The following ADCY5 variants were observed in gnomAD, a reference collection of about 807,000 sequenced individuals.
The protein encoded by ADCY5 is adenylate cyclase 5, also known as adenylate cyclase type 5.
A neutral mutation model predicts 119.7 loss-of-function variants in ADCY5; 30 were observed. The observed-to-expected ratio is 0.25, with a 90% CI of 0.19 to 0.34. The LOEUF is 0.34. ADCY5 is among the 10% of genes least tolerant of loss of function. The pLI is 1.00. For synonymous variants in ADCY5, 753 were observed against 762.2 expected, an observed-to-expected ratio of 0.99 and a Z score of 0.20; for missense variants, 1,324 against 1,775.2, an observed-to-expected ratio of 0.75 and a Z score of 4.57.
chr3:123,366,056 A>G (rs1250091066), intron 1 of ADCY5, among the ~76,000 whole-genome samples: 1 of 152,186 alleles, frequency 6.6e-6, no homozygotes, highest in East Asian at 1.9e-4. Context: ...GTCTGAAATT[A>G]TTTTTTATTC....
chr3:123,368,115 A>C, intron 1 of ADCY5: 1 of 1,310,062 alleles, frequency 7.6e-7, no homozygotes, highest in Non-Finnish European at 1.0e-6. Flanking sequence ...CCCAGGGGCC[A>C]GTCTTGTGAC....
At chr3:123,403,380 CAAAAAAAAAA>C (rs35626615) in intron 1 of ADCY5, among the ~76,000 whole-genome samples, 11 of 68,530 alleles carry the variant, frequency 1.6e-4, no homozygotes, top group Admixed American at 6.4e-4. Flanking sequence ...GACCCTGTCT[CAAAAAAAAAA>C]AAAAAAAAAA....
intron 1 of ADCY5, among the ~76,000 whole-genome samples, chr3:123,358,331 G>A (rs901808537): frequency 1.1e-4 from 17 of 152,168 alleles, no homozygotes; most frequent in Admixed American, 6.5e-4. Context: ...GCAGCCGGAT[G>A]CAGTGGCTCA....
chr3:123,302,093 G>A (rs1380068631), intron 14 of ADCY5, among the ~76,000 whole-genome samples: 2 of 152,366 alleles, frequency 1.3e-5, no homozygotes, highest in Middle Eastern at 3.4e-3. Flanking sequence ...CCCTTTGGGA[G>A]TTGGATGAAA....
chr3:123,376,935 T>A (rs1943856115), intron 1 of ADCY5, among the ~76,000 whole-genome samples: 1 of 152,202 alleles, frequency 6.6e-6, no homozygotes, highest in Non-Finnish European at 1.5e-5. Flanking sequence ...GGAAGCTGCA[T>A]CCTCTGGTGT....
At chr3:123,351,709 T>C (rs918237598) in intron 2 of ADCY5, among the ~76,000 whole-genome samples, 1 of 152,112 alleles carries the variant, frequency 6.6e-6, no homozygotes, top group Non-Finnish European at 1.5e-5. Flanking sequence ...GAGGAGACAG[T>C]GGGGATCCAG....
chr3:123,447,579 G>C lies in ADCY5; in HGVS notation c.967C>G (p.Arg323Gly), dbSNP rs770135822. The C allele has an allele frequency of 3.7e-6, 6 of 1,608,266 alleles. No homozygotes were observed. The highest frequency in any genetic ancestry group is 2.2e-5 in the South Asian group (2 of 90,876). ...QVVGLLLPQP[R>G]SASEGIWWTV... ...CACCAGATGCCCTCAGAGGCGCTGC[G>C]TGGCTGCGGCAGCAGCAGGCCCACC... Residue 323 changes from arginine (R) to glycine (G), a missense_variant, in exon 1 of 21, where the codon CGC (arginine) becomes GGC (glycine). Transcript: ENST00000462833.
chr3:123,296,504 A>G (rs1005856890), intron 16 of ADCY5, among the ~76,000 whole-genome samples: 1 of 152,180 alleles, frequency 6.6e-6, no homozygotes, highest in African/African-American at 2.4e-5. Flanking sequence ...TGGTCAGATC[A>G]GGGGATGAAC....
intron 18 of ADCY5, 83 bp from the exon 19 acceptor site, chr3:123,290,037 G>C: frequency 7.1e-7 from 1 of 1,408,180 alleles, no homozygotes. Context: ...GTCCAGGGAA[G>C]TGCAGCAGCA....
intron 11 of ADCY5, among the ~76,000 whole-genome samples, chr3:123,317,340 T>G (rs1940966929): frequency 6.6e-6 from 1 of 151,806 alleles, no homozygotes; most frequent in African/African-American, 2.4e-5. Flanking sequence ...GATTTTTTTT[T>G]TTTTTTCAAG....
intron 2 of ADCY5, among the ~76,000 whole-genome samples, chr3:123,350,810 C>T (rs1044513007): frequency 1.3e-5 from 2 of 152,170 alleles, no homozygotes; most frequent in African/African-American, 2.4e-5. Flanking sequence ...GAAACTGTGG[C>T]AAGCTGTAAA....
At chr3:123,388,376 C>T (rs1944295442) in intron 1 of ADCY5, among the ~76,000 whole-genome samples, 1 of 152,020 alleles carries the variant, frequency 6.6e-6, no homozygotes, top group Non-Finnish European at 1.5e-5. Flanking sequence ...TCTAAGCAGG[C>T]AACAGGGAGA....
chr3:123,415,484 G>A (rs1945165075), intron 1 of ADCY5, among the ~76,000 whole-genome samples: 1 of 152,160 alleles, frequency 6.6e-6, no homozygotes, highest in South Asian at 2.1e-4. Context: ...TTCTGAGCTT[G>A]TCCTCCCAGG....
In ADCY5 at chr3:123,296,368, G is replaced by A. The variant is rs116911025; in HGVS notation, c.2931-152C>T. ...CCCCTGCTCAAACTTTGCCGCACGC[G>A]TGCCTCCTCCAGAAAGCCTTCCTGG... On this transcript the variant is annotated intron_variant, in intron 16 of 20. Transcript: ENST00000462833. 7.2e-3 allele frequency: 6,611 copies of A among 921,754 alleles called. 274 individuals carry two copies. The highest frequency in any genetic ancestry group is 0.067 in the East Asian group (2,441 of 36,262). The allele number at this position is 921,754 out of a possible 1,614,324, so 57.1% of individuals were successfully genotyped here. A position where few individuals can be genotyped will look rare whatever the true frequency, so the allele number is the denominator to read the frequency against.
At chr3:123,440,073 G>A (rs1289697165) in intron 1 of ADCY5, among the ~76,000 whole-genome samples, 4 of 152,192 alleles carry the variant, frequency 2.6e-5, no homozygotes, top group Admixed American at 1.3e-4. Flanking sequence ...CTAGCACTTC[G>A]GCAGAGCTTA....
chr3:123,410,978 T>G (rs1945029223), intron 1 of ADCY5, among the ~76,000 whole-genome samples: 1 of 152,298 alleles, frequency 6.6e-6, no homozygotes, highest in Non-Finnish European at 1.5e-5. Flanking sequence ...AGCTATCACC[T>G]ACTGGATACG....
rs1428864553 is a variant in ADCY5 at position 123,448,288 on chromosome 3, G to A, written c.258C>T (p.Asp86=). 2.0e-6 allele frequency: 3 copies of A among 1,529,472 alleles called. No individual in the cohort carries two copies. Among genetic ancestry groups the A allele is most frequent in the Non-Finnish European group, 2.6e-6 (3 of 1,148,248 alleles). The allele number at this position is 1,529,472 out of a possible 1,614,324, so 94.7% of individuals were successfully genotyped here. A position where few individuals can be genotyped will look rare whatever the true frequency, so the allele number is the denominator to read the frequency against. Residue 86 remains aspartate (D), a synonymous_variant, in exon 1 of 21, where the codon GAC becomes GAT. Transcript: ENST00000462833. Reference sequence around the variant, plus strand: ...AGCCGAAGCCCCCGGCCAGGGGGTCGTCACCGCTCAGCGGAGGATCGTCGT... The same window carrying A: ...AGCCGAAGCCCCCGGCCAGGGGGTCATCACCGCTCAGCGGAGGATCGTCGT... ...DDDDDPPLSG[D]DPLAGGFGFS... is the part of the protein sequence containing the mutation.
chr3:123,411,064 T>C (rs1034685894), intron 1 of ADCY5, among the ~76,000 whole-genome samples: 1 of 152,158 alleles, frequency 6.6e-6, no homozygotes, highest in Non-Finnish European at 1.5e-5. Flanking sequence ...TCACTCAGGT[T>C]TGTCAAATAT....
At chr3:123,433,006 G>C (rs1945550477) in intron 1 of ADCY5, among the ~76,000 whole-genome samples, 1 of 152,166 alleles carries the variant, frequency 6.6e-6, no homozygotes, top group Non-Finnish European at 1.5e-5. Flanking sequence ...TGGGCAAGTA[G>C]GGATCTAAAA....
Sources: gnomAD v4.1 joint callset for allele counts (sites outside exome capture counted in the v4.1 genomes callset) on GRCh38, gnomAD v4.1.1 for gene constraint, MANE v1.5 for transcripts, NCBI Gene and HGNC (gene_info 2026-07-23, HGNC 2026-07-21) for gene names.